GPM6B: variants seen among roughly 807,000 people sequenced by gnomAD.
GPM6B encodes glycoprotein M6B, also known as neuronal membrane glycoprotein M6-b.
GPM6B carries 4 observed loss-of-function variants against 27.2 expected under a neutral mutation model. The ratio of observed to expected loss-of-function variants is 0.15; its 90% CI spans 0.07 to 0.34. GPM6B has a LOEUF of 0.34. Ranked by LOEUF, GPM6B falls within the 10% of genes least tolerant of loss-of-function variation. GPM6B has a pLI of 1.00. For synonymous variants in GPM6B, 124 were observed against 103.1 expected (o/e 1.20, Z -1.23); for missense variants, 183 against 261.9 (o/e 0.70, Z 2.08).
At chrX:13,911,773 T>C (rs1029158959) in intron 1 of GPM6B, among the ~76,000 whole-genome samples, 1 of 112,286 alleles carries the variant, frequency 8.9e-6, no homozygotes, top group African/African-American at 3.2e-5. Context: ...TCTTATTGGG[T>C]ATTTGCCTGG....
upstream of GPM6B, among the ~76,000 whole-genome samples, chrX:13,817,937 G>A (rs986505287): frequency 5.4e-5 from 6 of 111,764 alleles, no homozygotes; most frequent in East Asian, 2.8e-4. Flanking sequence ...TTTTTTAATC[G>A]GATATGGTTA....
chrX:13,925,455 T>C (rs10482324), intron 1 of GPM6B, among the ~76,000 whole-genome samples: 1,960 of 108,064 alleles, frequency 0.018, 46 homozygotes, highest in African/African-American at 0.064. Context: ...GTTTCCCAAG[T>C]AGCTGGAACT....
intron 1 of GPM6B, among the ~76,000 whole-genome samples, chrX:13,862,944 A>T (rs2049869860): frequency 9.1e-6 from 1 of 109,407 alleles, no homozygotes. Context: ...CAATCCTCCC[A>T]CCTTGGTCTC....
intron 1 of GPM6B, among the ~76,000 whole-genome samples, chrX:13,859,404 CT>C (rs2049817548): frequency 9.0e-6 from 1 of 111,672 alleles, no homozygotes; most frequent in African/African-American, 3.3e-5. Context: ...TATCCATGTC[CT>C]TTTTTTCATT....
chrX:13,911,720 A>G lies in GPM6B; in HGVS notation c.-198+26607T>C, dbSNP rs1298257984. On this transcript the variant is annotated intron_variant, in intron 1 of 6. Coordinates refer to the GPM6B transcript ENST00000398361. ...GTCTCAAGCCCTCCTGAAATAAAAT[A>G]ACACACCAAGAGGTTTACATAATAC... Among the ~76,000 whole-genome samples, 3 of 112,151 alleles carry G rather than the reference A, an allele frequency of 2.7e-5. No individual in the cohort carries two copies. The South Asian group carries it at 1.1e-3, about 42-fold the overall frequency.
At chrX:13,932,596 C>T (rs1401509949) in intron 1 of GPM6B, among the ~76,000 whole-genome samples, 1 of 111,699 alleles carries the variant, frequency 9.0e-6, no homozygotes, top group Non-Finnish European at 1.9e-5. Context: ...CCCTGAGAGC[C>T]CCATGGTGAT....
At chrX:13,880,764 T>C (rs1044553577) in intron 1 of GPM6B, among the ~76,000 whole-genome samples, 5 of 109,402 alleles carry the variant, frequency 4.6e-5, no homozygotes, top group African/African-American at 1.7e-4. Flanking sequence ...AAACTCTTTA[T>C]CAAGCTCTGC....
At chrX:13,854,629 A>G (rs2049759047) in intron 1 of GPM6B, among the ~76,000 whole-genome samples, 1 of 112,226 alleles carries the variant, frequency 8.9e-6, no homozygotes, top group African/African-American at 3.2e-5. Flanking sequence ...TAGAGTTAAC[A>G]ATATATCATT....
At chrX:13,869,842 T>TTA (rs1569274521) in intron 1 of GPM6B, among the ~76,000 whole-genome samples, 2 of 112,224 alleles carry the variant, frequency 1.8e-5, no homozygotes, top group Non-Finnish European at 3.8e-5. Flanking sequence ...GGCACAATGC[T>TTA]GTTAACTAAA....
At position 13,816,934 on chromosome X, in the gene GPM6B, T is replaced by A. The variant is rs753385667; in HGVS notation, c.-30A>T. On this transcript the variant is annotated 5_prime_UTR_variant, in exon 1 of 8. Transcript: ENST00000316715. ...TCCACCAAAAATGCTTTTCCCCCTG[T>A]TCCCCCCAACACACACTTGTTTTTC... The A allele has an allele frequency of 8.4e-7, 1 of 1,185,610 alleles. No individual in the cohort carries two copies. The highest frequency in any genetic ancestry group is 2.4e-5 in the Admixed American group (1 of 41,950).
intron 1 of GPM6B, chrX:13,888,891 T>C (rs1181631619): frequency 9.0e-6 from 1 of 111,701 alleles, no homozygotes. Flanking sequence ...CATTGCGGAG[T>C]CAACAGCTCT....
intron 1 of GPM6B, 26 bp downstream of exon 1, chrX:13,816,818 C>T (rs1243680635): frequency 8.3e-7 from 1 of 1,209,275 alleles, no homozygotes; most frequent in Non-Finnish European, 1.1e-6. Context: ...AAGCTTTAAA[C>T]AGGCTATTGT....
chrX:13,893,623 G>A lies in GPM6B; in HGVS notation c.-198+44704C>T. ...CAGCCAAAACGAAGAAAGACATCAG[G>A]GACCACAAAATGCTGTGTGTGTCCT... On this transcript the variant is annotated intron_variant, in intron 1 of 6. Coordinates refer to the GPM6B transcript ENST00000398361. 2.7e-5 allele frequency among the ~76,000 whole-genome samples: 3 copies of A among 112,090 alleles called. 1 individual carries two copies. The Admixed American group carries it at 2.8e-4, about 11-fold the overall frequency.
chrX:13,789,774 CAAAACAAAAACA>C (rs60831232), intron 2 of GPM6B, among the ~76,000 whole-genome samples: 37 of 106,400 alleles, frequency 3.5e-4, no homozygotes, highest in East Asian at 5.8e-4. Flanking sequence ...GACTCCATCT[CAAAACAAAAACA>C]AAAACAAAAA....
chrX:13,902,216 T>C (rs1361480864), intron 1 of GPM6B, among the ~76,000 whole-genome samples: 2 of 111,833 alleles, frequency 1.8e-5, no homozygotes, highest in Non-Finnish European at 3.8e-5. Flanking sequence ...TTTACTCCTT[T>C]GTGACAATGG....
At position 13,814,037 on chromosome X, in the gene GPM6B, T is replaced by C. The variant is rs567498377; in HGVS notation, c.61+2807A>G. ...CCTTTTTTAAGGACATGGATTAATT[T>C]TGTCTAAAGTAGAAACAAAGTCATT... is the stretch of plus-strand genomic sequence containing the variant. On this transcript the variant is annotated intron_variant, in intron 1 of 7. Transcript: ENST00000316715. Among the ~76,000 whole-genome samples, 3 of 112,129 alleles carry C rather than the reference T, an allele frequency of 2.7e-5. No individual in the cohort carries two copies. In the South Asian group the frequency reaches 1.1e-3, roughly 41 times the overall value.
At chrX:13,933,082 GTTAAT>G (rs1315765025) in intron 1 of GPM6B, among the ~76,000 whole-genome samples, 1 of 111,670 alleles carries the variant, frequency 9.0e-6, no homozygotes, top group African/African-American at 3.3e-5. Flanking sequence ...GTACATCAAT[GTTAAT>G]TTAAATACCT....
chrX:13,879,781 T>A (rs766985314), intron 1 of GPM6B, among the ~76,000 whole-genome samples: 1 of 112,239 alleles, frequency 8.9e-6, no homozygotes, highest in Middle Eastern at 4.6e-3. Flanking sequence ...CTGAGGTGCA[T>A]CAGCTGGAGG....
rs779416229 is a variant in GPM6B, at chrX:13,926,053, TC to T, written c.-198+12273del. On this transcript the variant is annotated intron_variant, in intron 1 of 6. Coordinates refer to the GPM6B transcript ENST00000398361. ...CTGGGCAACAGAGCGAGACTCCATC[TC>T]AAAAAAAAAAAATTATTCTATAAGT... 4.2e-3 allele frequency among the ~76,000 whole-genome samples: 389 copies of T among 92,971 alleles called. 3 individuals carry two copies. Among genetic ancestry groups the T allele is most frequent in the African/African-American group, 0.014 (309 of 22,779 alleles). 80.7% of individuals were successfully genotyped at this position (92,971 alleles called of 115,157 possible).
Sources: allele counts gnomAD v4.1 joint callset (sites outside exome capture counted in the v4.1 genomes callset), GRCh38; gene constraint gnomAD v4.1.1; transcripts MANE v1.5; gene names NCBI Gene and HGNC (gene_info 2026-07-23, HGNC 2026-07-21).